DOK6: variants seen among roughly 807,000 people sequenced by gnomAD.
DOK6 encodes the protein downstream of tyrosine kinase 6.
A neutral mutation model predicts 44.0 loss-of-function variants in DOK6; 22 were observed. The ratio of observed to expected loss-of-function variants is 0.50; its 90% CI spans 0.36 to 0.71. DOK6 has a LOEUF of 0.71. DOK6 is among the 30% of genes least tolerant of loss of function. The pLI, the probability that DOK6 is intolerant of heterozygous loss-of-function variation, is 0.00. For synonymous variants in DOK6, 166 were observed against 145.5 expected, an observed-to-expected ratio of 1.14 and a Z score of -1.01; for missense variants, 340 against 416.4, an observed-to-expected ratio of 0.82 and a Z score of 1.60.
chr18:69,566,834 A>G (rs1223628121), intron 2 of DOK6, among the ~76,000 whole-genome samples: 2 of 152,212 alleles, frequency 1.3e-5, no homozygotes, highest in African/African-American at 4.8e-5. Context: ...TGGCCAAACT[A>G]GTGGTGGTAA....
intron 4 of DOK6, among the ~76,000 whole-genome samples, chr18:69,686,076 G>C (rs1986146507): frequency 6.6e-6 from 1 of 152,052 alleles, no homozygotes; most frequent in South Asian, 2.1e-4. Flanking sequence ...TGGTGTCCTT[G>C]TAAGAAGAGG....
At chr18:69,473,459 G>A (rs553799237) in intron 1 of DOK6, among the ~76,000 whole-genome samples, 20 of 152,114 alleles carry the variant, frequency 1.3e-4, no homozygotes, top group Non-Finnish European at 2.8e-4. Flanking sequence ...AGCTAGAGTG[G>A]TTCCTGTCGT....
rs534123557 is a variant in DOK6 at position 69,602,267 on chromosome 18, C to A, written c.289+2769C>A. ...AACAATGATAAATCATGTTGATAGA[C>A]TCTACCCTTGATATGACGTGATCAA... On this transcript the variant is annotated intron_variant, in intron 3 of 7. Coordinates refer to ENST00000382713, the MANE Select transcript of DOK6 (RefSeq NM_152721.6). Among the ~76,000 whole-genome samples, 179 of 152,316 alleles carry A rather than the reference C, an allele frequency of 1.2e-3. 1 individual carries two copies. The highest frequency in any genetic ancestry group is 6.0e-3 in the South Asian group (29 of 4,830).
intron 5 of DOK6, among the ~76,000 whole-genome samples, chr18:69,735,328 G>T (rs1978567478): frequency 6.6e-6 from 1 of 152,188 alleles, no homozygotes; most frequent in Admixed American, 6.5e-5. Context: ...TCAGATGGAA[G>T]GGTTCCCAAG....
At chr18:69,409,630 A>G (rs934212432) in intron 1 of DOK6, among the ~76,000 whole-genome samples, 3 of 152,240 alleles carry the variant, frequency 2.0e-5, no homozygotes, top group Non-Finnish European at 2.9e-5. Flanking sequence ...TTTTAATTCT[A>G]TAAACCATTT....
rs560860840 is a variant in DOK6 at position 69,470,572 on chromosome 18, A to G, written c.66+69262A>G. On this transcript the variant is annotated intron_variant, in intron 1 of 7. Transcript: ENST00000382713. ...GGTCCAGCACTGCCCATCCCACCCC[A>G]GGAGACTCACTCATTGCGGATCCCA... Among the ~76,000 whole-genome samples the G allele has an allele frequency of 7.9e-5, 12 of 152,082 alleles. No individual in the cohort carries two copies. The South Asian group carries it at 2.5e-3, about 32-fold the overall frequency.
At chr18:69,703,680 C>T (rs1986571026) in intron 5 of DOK6, among the ~76,000 whole-genome samples, 1 of 152,198 alleles carries the variant, frequency 6.6e-6, no homozygotes, top group South Asian at 2.1e-4. Flanking sequence ...TCTTGTGACT[C>T]AGACATCTTC....
At chr18:69,557,589 G>A (rs902717607) in intron 1 of DOK6, among the ~76,000 whole-genome samples, 14 of 152,128 alleles carry the variant, frequency 9.2e-5, no homozygotes, top group Non-Finnish European at 1.8e-4. Context: ...TTAACACAGT[G>A]GAAAGCTGAG....
At chr18:69,524,299 A>G (rs933166428) in intron 1 of DOK6, among the ~76,000 whole-genome samples, 4 of 152,076 alleles carry the variant, frequency 2.6e-5, no homozygotes, top group African/African-American at 7.2e-5. Flanking sequence ...AAACATAAAA[A>G]TAAAATGGGC....
Position 69,704,475 on chromosome 18 carries a change from C to CTTTTTT in DOK6, c.599+5897_599+5902dup, listed in dbSNP as rs10685670. 1.1e-4 allele frequency among the ~76,000 whole-genome samples: 12 copies of CTTTTTT among 107,178 alleles called. 1 individual carries two copies. Among genetic ancestry groups the CTTTTTT allele is most frequent in the Non-Finnish European group, 1.2e-4 (7 of 56,444 alleles). The allele number at this position is 107,178 out of a possible 152,430, so 70.3% of individuals were successfully genotyped here. A position where few individuals can be genotyped will look rare whatever the true frequency, so the allele number is the denominator to read the frequency against. On this transcript the variant is annotated intron_variant, in intron 5 of 7. Coordinates refer to ENST00000382713, the MANE Select transcript of DOK6 (RefSeq NM_152721.6). ...GTGTGTACATCAGGTCCAGATATGA[C>CTTTTTT]TTTTTTTTTTTTTTTTTTTTGGAGA... is the stretch of plus-strand genomic sequence containing the variant.
At chr18:69,793,469 AT>A (rs1980657679) in intron 7 of DOK6, among the ~76,000 whole-genome samples, 1 of 152,180 alleles carries the variant, frequency 6.6e-6, no homozygotes, top group African/African-American at 2.4e-5. Flanking sequence ...TAAAGTGACA[AT>A]GCTTTAGTTC....
intron 1 of DOK6, among the ~76,000 whole-genome samples, chr18:69,538,265 G>C (rs1982174398): frequency 6.6e-6 from 1 of 152,142 alleles, no homozygotes; most frequent in Non-Finnish European, 1.5e-5. Context: ...TTGAATACTA[G>C]GGAGACCGCT....
At chr18:69,483,514 T>C (rs540954161) in intron 1 of DOK6, 6 of 152,216 alleles carry the variant, frequency 3.9e-5, no homozygotes, top group South Asian at 4.1e-4. Context: ...TTGGAAGGAA[T>C]GAGCATCTAT....
chr18:69,782,179 A>G (rs959215483), intron 7 of DOK6, among the ~76,000 whole-genome samples: 5 of 151,380 alleles, frequency 3.3e-5, no homozygotes, highest in African/African-American at 4.9e-5. Context: ...TTTTAAATCC[A>G]GAACTAACTG....
At chr18:69,454,992 T>C (rs142411940) in intron 1 of DOK6, among the ~76,000 whole-genome samples, 31,152 of 143,100 alleles carry the variant, frequency 0.22, 3,773 homozygotes, top group Middle Eastern at 0.39. Flanking sequence ...CGCACCAGCA[T>C]GGCACATGTA....
intron 3 of DOK6, among the ~76,000 whole-genome samples, chr18:69,612,217 T>TA (rs33970961): frequency 6.7e-6 from 1 of 150,000 alleles, no homozygotes; most frequent in African/African-American, 2.4e-5. Context: ...ATATTTAAGT[T>TA]AAAAAAAACC....
intron 5 of DOK6, among the ~76,000 whole-genome samples, chr18:69,707,506 T>C (rs891813059): frequency 3.3e-5 from 5 of 152,202 alleles, no homozygotes; most frequent in Admixed American, 1.3e-4. Context: ...GTGCCCTGTA[T>C]CTTAGGGCTA....
At chr18:69,694,328 G>A (rs1986345480) in intron 4 of DOK6, among the ~76,000 whole-genome samples, 1 of 151,660 alleles carries the variant, frequency 6.6e-6, no homozygotes, top group Non-Finnish European at 1.5e-5. Flanking sequence ...CCCTGGGCAT[G>A]GTCTATTCCT....
At chr18:69,813,065 C>T (rs894360993) in intron 7 of DOK6, among the ~76,000 whole-genome samples, 2 of 152,104 alleles carry the variant, frequency 1.3e-5, no homozygotes, top group African/African-American at 4.8e-5. Flanking sequence ...ATTACTAGAA[C>T]ACAGTAGCTT....
Sources: gnomAD v4.1 joint callset for allele counts (sites outside exome capture counted in the v4.1 genomes callset) on GRCh38, gnomAD v4.1.1 for gene constraint, MANE v1.5 for transcripts, NCBI Gene and HGNC (gene_info 2026-07-23, HGNC 2026-07-21) for gene names.